XKR9: variants seen among roughly 807,000 people sequenced by gnomAD.
The protein encoded by XKR9 is XK related 9.
XKR9 carries 32 observed loss-of-function variants against 32.0 expected under a neutral mutation model. The observed-to-expected ratio is 1.00, with a 90% CI of 0.76 to 1.34. The LOEUF (loss-of-function observed/expected upper bound fraction) is 1.34, where lower values mean the gene tolerates loss of function less well. Among genes scored for constraint, XKR9 ranks in the 40% most tolerant of loss-of-function variants. XKR9 has a pLI of 0.00. For synonymous variants in XKR9, 168 were observed against 143.4 expected (o/e 1.17, Z -1.22); for missense variants, 546 against 429.7 (o/e 1.27, Z -2.39).
At chr8:71,047,274 G>A in the XKR9 span, among the ~76,000 whole-genome samples, 5 of 152,304 alleles carry the variant, frequency 3.3e-5, no homozygotes, top group South Asian at 8.3e-4. Flanking sequence ...TGGCTGCCAC[G>A]TGTTTGACTT....
chr8:70,880,953 C>G, the XKR9 span, among the ~76,000 whole-genome samples: 3 of 152,154 alleles, frequency 2.0e-5, no homozygotes, highest in South Asian at 4.1e-4. Context: ...ACCGAGGCCT[C>G]AGAAATAACA....
intron 2 of XKR9, among the ~76,000 whole-genome samples, chr8:70,766,063 C>A (rs941274236): frequency 3.3e-5 from 5 of 151,988 alleles, no homozygotes; most frequent in African/African-American, 1.2e-4. Context: ...GTTCTTTTTG[C>A]TTAGGATTGT....
At chr8:70,796,677 A>G in the XKR9 span, among the ~76,000 whole-genome samples, 57 of 152,332 alleles carry the variant, frequency 3.7e-4, 1 homozygote, top group Admixed American at 3.6e-3. Context: ...ATATCACTGT[A>G]AGGTAAATTT....
chr8:71,042,309 A>G, the XKR9 span, among the ~76,000 whole-genome samples: 1 of 152,154 alleles, frequency 6.6e-6, no homozygotes, highest in African/African-American at 2.4e-5. Flanking sequence ...GAGAAGGAAC[A>G]GTTGCCAGGG....
At chr8:70,965,767 T>C in the XKR9 span, among the ~76,000 whole-genome samples, 2 of 152,202 alleles carry the variant, frequency 1.3e-5, no homozygotes, top group Admixed American at 1.3e-4. Context: ...TCTTTAGTAG[T>C]TGGTTGTATT....
chr8:70,906,092 A>G, the XKR9 span, among the ~76,000 whole-genome samples: 1 of 152,214 alleles, frequency 6.6e-6, no homozygotes, highest in Non-Finnish European at 1.5e-5. Context: ...CCACTTGAGA[A>G]GGCAGTCTGT....
Position 70,734,401 on chromosome 8 carries a change from A to G in XKR9, c.1099A>G (p.Met367Val). ...AAAACCAGTTCTAAGAGAATGTAGA[A>G]TGAGATATTTCCTAATGGAATAAGC... ...DGKPVLRECR[M>V]RYFLME Residue 367 changes from methionine (M) to valine (V), a missense_variant, in exon 5 of 5, where the codon ATG becomes GTG. Transcript: ENST00000408926. The G allele has an allele frequency of 3.8e-6, 6 of 1,594,602 alleles. No homozygotes were observed. The highest frequency in any genetic ancestry group is 5.1e-6 in the Non-Finnish European group (6 of 1,175,428).
chr8:70,797,855 G>T, the XKR9 span, among the ~76,000 whole-genome samples: 1 of 152,120 alleles, frequency 6.6e-6, no homozygotes, highest in Non-Finnish European at 1.5e-5. Context: ...ATGTCCGGCT[G>T]TATCCATGTT....
the XKR9 span, among the ~76,000 whole-genome samples, chr8:70,938,592 T>C: frequency 1.2e-4 from 19 of 152,066 alleles, no homozygotes; most frequent in Non-Finnish European, 2.5e-4. Context: ...AATATGACCA[T>C]TGCTTTGAGA....
At chr8:70,766,253 C>T (rs139699098) in intron 2 of XKR9, among the ~76,000 whole-genome samples, 4 of 152,174 alleles carry the variant, frequency 2.6e-5, no homozygotes, top group African/African-American at 9.6e-5. Context: ...AATGTTCTTC[C>T]ACTTGTTTGT....
At chr8:70,724,487 G>A (rs1219937302) in intron 4 of XKR9, among the ~76,000 whole-genome samples, 2 of 151,792 alleles carry the variant, frequency 1.3e-5, no homozygotes, top group Non-Finnish European at 2.9e-5. Flanking sequence ...TAGCTGCCCA[G>A]TTTTGTGCTT....
chr8:70,831,469 G>A, the XKR9 span, among the ~76,000 whole-genome samples: 6 of 151,088 alleles, frequency 4.0e-5, no homozygotes, highest in East Asian at 1.2e-3. Flanking sequence ...CTCTAATCCT[G>A]TTGTACTTTT....
intron 2 of XKR9, among the ~76,000 whole-genome samples, chr8:70,763,967 A>G (rs1292706392): frequency 1.3e-5 from 2 of 152,136 alleles, no homozygotes; most frequent in African/African-American, 4.8e-5. Flanking sequence ...TTGTAGTCCA[A>G]CCTGTGTGAC....
At chr8:70,736,403 C>T (rs1806864144), downstream of XKR9, among the ~76,000 whole-genome samples, 1 of 152,068 alleles carries the variant, frequency 6.6e-6, no homozygotes, top group Admixed American at 6.6e-5. Flanking sequence ...AACATTTTCT[C>T]CCATTTTGTA....
At chr8:71,017,443 A>C in the XKR9 span, among the ~76,000 whole-genome samples, 2 of 152,036 alleles carry the variant, frequency 1.3e-5, no homozygotes, top group African/African-American at 4.8e-5. Flanking sequence ...GAGAGTAGAG[A>C]GGTAGGAGGG....
chr8:70,755,943 A>T (rs1180187257), intron 2 of XKR9, among the ~76,000 whole-genome samples: 2 of 152,112 alleles, frequency 1.3e-5, no homozygotes, highest in African/African-American at 4.8e-5. Flanking sequence ...TTGGTTTCAT[A>T]TTCAAAAAGG....
chr8:70,755,816 C>T (rs1349097647), intron 2 of XKR9, among the ~76,000 whole-genome samples: 2 of 150,390 alleles, frequency 1.3e-5, no homozygotes, highest in Non-Finnish European at 1.5e-5. Context: ...TGCTAAATGA[C>T]GAGTTAATGG....
At chr8:71,016,070 C>T in the XKR9 span, among the ~76,000 whole-genome samples, 5 of 149,900 alleles carry the variant, frequency 3.3e-5, no homozygotes, top group South Asian at 2.1e-4. Flanking sequence ...TTTTCCCCCC[C>T]GGTATTACTC....
the XKR9 span, among the ~76,000 whole-genome samples, chr8:70,931,974 G>A: frequency 3.9e-5 from 6 of 152,092 alleles, no homozygotes; most frequent in Admixed American, 1.3e-4. Flanking sequence ...AACCATATCA[G>A]GTAGGTAGGT....
Sources: gnomAD v4.1 joint callset for allele counts (sites outside exome capture counted in the v4.1 genomes callset) on GRCh38, gnomAD v4.1.1 for gene constraint, MANE v1.5 for transcripts, NCBI Gene and HGNC (gene_info 2026-07-23, HGNC 2026-07-21) for gene names.